The following HM13 variants were observed in gnomAD, a reference collection of about 807,000 sequenced individuals.
HM13 encodes the protein histocompatibility minor 13, also known as signal peptide peptidase.
In HM13, 18 loss-of-function variants were observed where a neutral mutation model predicts 50.0. The ratio of observed to expected loss-of-function variants is 0.36; its 90% confidence interval spans 0.25 to 0.53. The LOEUF is 0.53. Ranked by LOEUF, HM13 falls within the 20% of genes least tolerant of loss-of-function variation. The pLI, the probability that HM13 is intolerant of heterozygous loss-of-function variation, is 0.90. For synonymous variants in HM13, 197 were observed against 232.6 expected, an observed-to-expected ratio of 0.85 and a Z score of 1.39; for missense variants, 393 against 552.4, an observed-to-expected ratio of 0.71 and a Z score of 2.89.
chr20:31,567,545 T>A (rs139827780), intron 11 of HM13: 1 of 152,152 alleles, frequency 6.6e-6, no homozygotes, highest in Non-Finnish European at 1.5e-5. Flanking sequence ...TCTCCCCATT[T>A]CTCTCCCAAT....
chr20:31,550,532 T>C lies in HM13; in HGVS notation c.724+411T>C, dbSNP rs73233667. On this transcript the variant is annotated intron_variant, in intron 7 of 12. Transcript: ENST00000398174. ...TGCCTTGGTTTTGTTCTTCAGTGTA[T>C]CCACTGTTTATAAGTAATAGAAAAT... 1,470 of 173,860 alleles carry C rather than the reference T, an allele frequency of 8.5e-3. 18 individuals carry two copies. The highest frequency in any genetic ancestry group is 0.033 in the African/African-American group (1,388 of 42,610). The allele number at this position is 173,860 out of a possible 1,614,324, so 10.8% of individuals were successfully genotyped here.
Position 31,549,094 on chromosome 20 carries a change from G to T in HM13, c.520G>T (p.Val174Phe), listed in dbSNP as rs377441140. 3.1e-6 allele frequency: 5 copies of T among 1,614,074 alleles called. No individual in the cohort carries two copies. Among genetic ancestry groups the T allele is most frequent in the Non-Finnish European group, 4.2e-6 (5 of 1,179,966 alleles). Reference sequence around the variant, plus strand: ...CCTGGGCCTGAGCAGCATCGTTGGCGTCTGGTACCTGCTGAGGAAGGTGAG... The same window carrying T: ...CCTGGGCCTGAGCAGCATCGTTGGCTTCTGGTACCTGCTGAGGAAGGTGAG... ...VCLGLSSIVG[V>F]WYLLRKHWIA... is the part of the protein sequence containing the mutation. The change falls in exon 5 of 13, where the codon GTC (valine) becomes TTC (phenylalanine). Residue 174 changes from valine to phenylalanine, a missense_variant. Physicochemically the swap from Val to Phe is conservative, Grantham distance 50 (BLOSUM62 -1). This residue lies in a region of HM13 where 214 missense variants were observed against 276.1 expected (regional missense o/e 0.77). Transcript: ENST00000398174.
chr20:31,569,021 C>A, intron 12 of HM13, 99 bp from the exon 13 acceptor site: 1 of 800,696 alleles, frequency 1.2e-6, no homozygotes, highest in South Asian at 1.7e-5. Context: ...TGTGACCAGG[C>A]GCTTTCCTAG....
At chr20:31,516,541 T>C (rs2122525288) in intron 1 of HM13, among the ~76,000 whole-genome samples, 1 of 152,314 alleles carries the variant, frequency 6.6e-6, no homozygotes, top group Middle Eastern at 3.4e-3. Flanking sequence ...GGCTTTGTGC[T>C]AGAGGTAGGC....
chr20:31,546,664 G>A (rs1220179140), intron 4 of HM13, among the ~76,000 whole-genome samples: 1 of 151,428 alleles, frequency 6.6e-6, no homozygotes, highest in Admixed American at 6.6e-5. Context: ...TGAGGCAGGA[G>A]AATCGCTTTA....
chr20:31,547,812 AT>A, intron 4 of HM13: 1 of 953,520 alleles, frequency 1.0e-6, no homozygotes, highest in Non-Finnish European at 1.7e-6. Context: ...GAGCTATCAA[AT>A]TTGTACTCAG....
At chr20:31,528,040 T>G (rs991279839) in intron 2 of HM13, 1 of 153,248 alleles carries the variant, frequency 6.5e-6, no homozygotes, top group African/African-American at 2.4e-5. Flanking sequence ...AGTCACAGTT[T>G]CCCTTCGGAG....
At chr20:31,522,608 T>G (rs982120868) in intron 1 of HM13, among the ~76,000 whole-genome samples, 1 of 134,876 alleles carries the variant, frequency 7.4e-6, no homozygotes, top group African/African-American at 3.6e-5. Flanking sequence ...TTTGTCTGGC[T>G]CCAGACTACC....
intron 2 of HM13, among the ~76,000 whole-genome samples, chr20:31,537,275 A>G (rs1410079132): frequency 6.6e-6 from 1 of 152,262 alleles, no homozygotes; most frequent in Admixed American, 6.5e-5. Context: ...GCCAAGGCTC[A>G]GGAGACTTGT....
intron 12 of HM13, 85 bp from the exon 13 acceptor site, chr20:31,569,035 G>A: frequency 1.1e-6 from 1 of 918,002 alleles, no homozygotes; most frequent in Middle Eastern, 3.1e-4. Context: ...TTCCTAGGAT[G>A]GGGGTGGGGG....
At chr20:31,556,057 G>A (rs962399815) in intron 8 of HM13, among the ~76,000 whole-genome samples, 12 of 145,212 alleles carry the variant, frequency 8.3e-5, no homozygotes, top group African/African-American at 2.6e-4. Context: ...TTTTTGAGAC[G>A]GAGTTTTGCT....
Position 31,514,590 on chromosome 20 carries a change from C to A in HM13, c.39C>A (p.Ala13=), listed in dbSNP as rs1408375204. ...SALSDPHNGS[A]EAGGPTNSTT... The stretch of plus-strand genomic sequence containing the variant: ...TCAGCGATCCGCATAACGGCAGTGC[C>A]GAGGCAGGCGGCCCCACCAACAGCA... Residue 13 remains alanine, a synonymous_variant, in exon 1 of 13, where the codon GCC becomes GCA. Transcript: ENST00000398174. This position sits in a 1 kb window ranked among gnomAD's most constrained non-coding sequence, Gnocchi z 4.3. 2 of 1,603,918 alleles carry A rather than the reference C, an allele frequency of 1.2e-6. No homozygotes were observed. The highest frequency in any genetic ancestry group is 1.7e-5 in the Admixed American group (1 of 58,736).
At chr20:31,532,153 G>A (rs1017816767) in intron 2 of HM13, among the ~76,000 whole-genome samples, 6 of 151,588 alleles carry the variant, frequency 4.0e-5, no homozygotes, top group South Asian at 2.1e-4. Flanking sequence ...TAGGCCGGGC[G>A]CGGTGGCTCA....
intron 7 of HM13, among the ~76,000 whole-genome samples, chr20:31,553,194 G>A (rs544814441): frequency 6.6e-6 from 1 of 150,660 alleles, no homozygotes; most frequent in African/African-American, 2.5e-5. Flanking sequence ...TACTCAGGGG[G>A]CTGAGGCAGG....
At chr20:31,558,979 C>T (rs1023588093) in intron 8 of HM13, among the ~76,000 whole-genome samples, 7 of 152,124 alleles carry the variant, frequency 4.6e-5, no homozygotes, top group Non-Finnish European at 8.8e-5. Context: ...AATGCAGTGG[C>T]GCGATCTTGG....
intron 3 of HM13, chr20:31,541,209 G>A (rs751928124): frequency 2.0e-5 from 3 of 152,102 alleles, no homozygotes; most frequent in Non-Finnish European, 4.4e-5. Context: ...ACCTGGGCAT[G>A]GTGGTTCACA....
chr20:31,543,821 C>G (rs1318318486), intron 3 of HM13, among the ~76,000 whole-genome samples: 1 of 151,880 alleles, frequency 6.6e-6, no homozygotes, highest in African/African-American at 2.4e-5. Flanking sequence ...ATAGTCCCAG[C>G]TACTCGGGAG....
chr20:31,531,536 A>G (rs1002150906), intron 2 of HM13, among the ~76,000 whole-genome samples: 3 of 152,078 alleles, frequency 2.0e-5, no homozygotes, highest in African/African-American at 7.2e-5. Context: ...ATTTGGGACT[A>G]TAGACGTATG....
chr20:31,514,506 G>C lies in HM13; in HGVS notation c.-46G>C. On this transcript the variant is annotated 5_prime_UTR_variant, in exon 1 of 13. Coordinates refer to ENST00000398174, the MANE Select transcript of HM13 (RefSeq NM_178581.3). The surrounding 1 kb of genome is among the most constrained non-coding windows in gnomAD (Gnocchi z 4.3). ...AGCCGGTGTCTCCGCCTGCGTCCCTGCTGCAGCAACCGGAGCTGGAGTCGG... is the reference window on the plus strand; with the variant it reads ...AGCCGGTGTCTCCGCCTGCGTCCCTCCTGCAGCAACCGGAGCTGGAGTCGG... The C allele has an allele frequency of 1.1e-5, 17 of 1,575,942 alleles. No individual in the cohort carries two copies. The highest frequency in any genetic ancestry group is 1.8e-5 in the Admixed American group (1 of 54,380).
Sources: gnomAD v4.1 joint callset for allele counts (sites outside exome capture counted in the v4.1 genomes callset) on GRCh38, gnomAD v4.1.1 for gene constraint, gnomAD v4.1.1 regional missense constraint, Gnocchi (gnomAD v3.1) non-coding constraint, MANE v1.5 for transcripts, NCBI Gene and HGNC (gene_info 2026-07-23, HGNC 2026-07-21) for gene names.